FGF8: variants seen among roughly 807,000 people sequenced by gnomAD.
FGF8 encodes fibroblast growth factor 8, also known as androgen-induced growth factor.
Under a neutral mutation model 29.7 loss-of-function variants are expected in FGF8, and 12 were observed. That is an observed-to-expected ratio of 0.40 (90% confidence interval 0.26 to 0.65). FGF8 has a LOEUF of 0.65. Among genes scored for constraint, FGF8 ranks in the 30% least tolerant of loss-of-function variants. FGF8 has a pLI of 0.37. For missense variants in FGF8, 271 were observed against 345.1 expected (o/e 0.79, Z 1.70); for synonymous variants, 157 against 144.4 (o/e 1.09, Z -0.63).
chr10:101,772,467 T>C lies in FGF8; in HGVS notation c.338-898A>G, dbSNP rs1017932610. Among the ~76,000 whole-genome samples, 1 of 152,152 alleles carries C rather than the reference T, an allele frequency of 6.6e-6. No homozygotes were observed. The highest frequency in any genetic ancestry group is 1.5e-5 in the Non-Finnish European group (1 of 68,012). On this transcript the variant is annotated intron_variant, in intron 4 of 5. Transcript: ENST00000320185. The surrounding 1 kb of genome is among the most constrained non-coding windows in gnomAD (Gnocchi z 4.4). Reference sequence around the variant, plus strand: ...GCCTCCTTTCCCATTCCCCTCCCCTTAGACAGCCAACTTGCCACAGAAGCC... The same window carrying C: ...GCCTCCTTTCCCATTCCCCTCCCCTCAGACAGCCAACTTGCCACAGAAGCC...
chr10:101,776,439 C>T (rs2065095913), upstream of FGF8, among the ~76,000 whole-genome samples: 1 of 150,300 alleles, frequency 6.7e-6, no homozygotes, highest in Non-Finnish European at 1.5e-5. Flanking sequence ...GCGCGCTCCC[C>T]GGTCCCGGAC....
chr10:101,775,918 C>G lies in FGF8; in HGVS notation c.-18G>C. On this transcript the variant is annotated 5_prime_UTR_variant, in exon 1 of 6. Transcript: ENST00000320185. The surrounding 1 kb of genome is among the most constrained non-coding windows in gnomAD (Gnocchi z 4.6). The stretch of plus-strand genomic sequence containing the variant: ...CTGCCCATGGCGCGCGGCCCCGGGG[C>G]ACCGAGAGCCCGGCGGGTCACGCCG... The G allele has an allele frequency of 8.1e-7, 1 of 1,227,700 alleles. No individual in the cohort carries two copies. 76.1% of individuals were successfully genotyped at this position (1,227,700 alleles called of 1,614,324 possible).
At chr10:101,780,133 C>T (rs140149604), upstream of FGF8, among the ~76,000 whole-genome samples, 2 of 152,360 alleles carry the variant, frequency 1.3e-5, no homozygotes, top group African/African-American at 2.4e-5. Context: ...CCAGCCAGGC[C>T]GCCCCTCCGC....
chr10:101,775,631 A>T lies in FGF8; in HGVS notation c.69+109T>A. ...GGGGCTGGGTTTCTAAGGTGCCCTC[A>T]GCCCTCCCGCGCCGGCCGCAGAGTC... On this transcript the variant is annotated intron_variant, in intron 2 of 5. Coordinates refer to ENST00000320185, the MANE Select transcript of FGF8 (RefSeq NM_033163.5). The surrounding 1 kb of genome is among the most constrained non-coding windows in gnomAD (Gnocchi z 4.6). 2 of 1,313,716 alleles carry T rather than the reference A, an allele frequency of 1.5e-6. No individual in the cohort carries two copies. The highest frequency in any genetic ancestry group is 2.1e-6 in the Non-Finnish European group (2 of 959,694). The allele number at this position is 1,313,716 out of a possible 1,614,324, so 81.4% of individuals were successfully genotyped here.
rs756078879 is a variant in FGF8 at position 101,770,366 on chromosome 10, C to T, written c.698G>A (p.Arg233His). 39 of 1,600,142 alleles carry T rather than the reference C, an allele frequency of 2.4e-5. No homozygotes were observed. Among genetic ancestry groups the T allele is most frequent in the Non-Finnish European group, 3.1e-5 (36 of 1,175,144 alleles). Residue 233 changes from arginine (R) to histidine (H), a missense_variant, in exon 6 of 6, where the codon CGC becomes CAC. By Grantham distance (29) the Arg-to-His change is conservative. Around this residue, in one of 3 missense-constraint regions of FGF8, gnomAD observed 62 missense variants for 58.1 expected, o/e 1.07. Coordinates refer to ENST00000320185, the MANE Select transcript of FGF8 (RefSeq NM_033163.5). ...LNYPPFTRSLRGSQRTWAPEP... is the reference protein window; with the variant it reads ...LNYPPFTRSLHGSQRTWAPEP... The stretch of plus-strand genomic sequence containing the variant: ...GGGGGCCCAAGTCCTCTGGCTGCCG[C>T]GCAGGCTGCGCGTGAAGGGCGGGTA...
At chr10:101,779,523 C>T (rs1589816307), upstream of FGF8, among the ~76,000 whole-genome samples, 3 of 152,214 alleles carry the variant, frequency 2.0e-5, no homozygotes, top group African/African-American at 7.2e-5. The surrounding 1 kb of genome is among the most constrained non-coding windows in gnomAD (Gnocchi z 5.7). Context: ...GCGCCCCAAC[C>T]GGCCGAGAAA....
chr10:101,775,560 AG>A lies in FGF8; in HGVS notation c.69+179del, dbSNP rs2065077412. 7.6e-6 allele frequency: 5 copies of A among 660,162 alleles called. No individual in the cohort carries two copies. The South Asian group carries it at 9.4e-5, about 12-fold the overall frequency. The allele number at this position is 660,162 out of a possible 1,614,324, so 40.9% of individuals were successfully genotyped here. A position where few individuals can be genotyped will look rare whatever the true frequency, so the allele number is the denominator to read the frequency against. On this transcript the variant is annotated intron_variant, in intron 2 of 5. Coordinates refer to ENST00000320185, the MANE Select transcript of FGF8 (RefSeq NM_033163.5). The surrounding 1 kb of genome is among the most constrained non-coding windows in gnomAD (Gnocchi z 4.6). ...CACTCACTCGCTGTGTGACCTCAGGAGGGGTGCTACCTCTCTGTGCCTCAGC... is the reference window on the plus strand; with the variant it reads ...CACTCACTCGCTGTGTGACCTCAGGAGGGTGCTACCTCTCTGTGCCTCAGC...
upstream of FGF8, among the ~76,000 whole-genome samples, chr10:101,777,539 G>A (rs1482354078): frequency 6.6e-6 from 1 of 152,244 alleles, no homozygotes; most frequent in Non-Finnish European, 1.5e-5. Flanking sequence ...CAAACACTGA[G>A]CAATGGAGAG....
chr10:101,777,131 G>T (rs1465967846), upstream of FGF8, among the ~76,000 whole-genome samples: 3 of 152,188 alleles, frequency 2.0e-5, no homozygotes, highest in African/African-American at 7.2e-5. Flanking sequence ...GCAGGGGCTG[G>T]TCAGCTGGGC....
At position 101,771,436 on chromosome 10, in the gene FGF8, G is replaced by A; in HGVS notation, c.444+27C>T. ...CCCAAGCCACTCCCTAGGTCCCGCGGACCCCACCTGCCTGCTGGGGCCTCA... is the reference window on the plus strand; with the variant it reads ...CCCAAGCCACTCCCTAGGTCCCGCGAACCCCACCTGCCTGCTGGGGCCTCA... On this transcript the variant is annotated intron_variant, in intron 5 of 5. Coordinates refer to ENST00000320185, the MANE Select transcript of FGF8 (RefSeq NM_033163.5). This position sits in a 1 kb window ranked among gnomAD's most constrained non-coding sequence, Gnocchi z 5.3. 6.3e-7 allele frequency: 1 copy of A among 1,575,610 alleles called. No homozygotes were observed. Among genetic ancestry groups the A allele is most frequent in the Non-Finnish European group, 8.7e-7 (1 of 1,145,286 alleles).
At chr10:101,778,785 C>T (rs549005048), upstream of FGF8, among the ~76,000 whole-genome samples, 1 of 152,344 alleles carries the variant, frequency 6.6e-6, no homozygotes, top group South Asian at 2.1e-4. Context: ...TCCCGCCGGG[C>T]CCCCGCAGGC....
rs2065035159 is a variant in FGF8, at chr10:101,772,114, G to A, written c.338-545C>T. Among the ~76,000 whole-genome samples the A allele has an allele frequency of 3.3e-5, 5 of 152,178 alleles. No individual in the cohort carries two copies. The South Asian group carries it at 1.0e-3, about 32-fold the overall frequency. On this transcript the variant is annotated intron_variant, in intron 4 of 5. Transcript: ENST00000320185. The surrounding 1 kb of genome is among the most constrained non-coding windows in gnomAD (Gnocchi z 4.4). ...TAACTCACAGCTTTGGCCACCCCCA[G>A]CCCCTCAACATCACCAGGCTCTGCT...
At chr10:101,774,659 C>G in intron 4 of FGF8, 73 bp downstream of exon 4, 1 of 1,319,152 alleles carries the variant, frequency 7.6e-7, no homozygotes, top group East Asian at 2.3e-5. Context: ...ACCCTGCAGG[C>G]CCCCGGCCAG....
At position 101,770,341 on chromosome 10, in the gene FGF8, G is replaced by A. The variant is rs1071634; in HGVS notation, c.723C>T (p.Pro241=). Residue 241 remains proline, a synonymous_variant, in exon 6 of 6, where the codon CCC becomes CCT. Coordinates refer to ENST00000320185, the MANE Select transcript of FGF8 (RefSeq NM_033163.5). The part of the protein sequence containing the change: ...SLRGSQRTWA[P]EPR ...GGCCAGGCAGCACCTATCGGGGCTCGGGGGCCCAAGTCCTCTGGCTGCCGC... is the reference window on the plus strand; with the variant it reads ...GGCCAGGCAGCACCTATCGGGGCTCAGGGGCCCAAGTCCTCTGGCTGCCGC... 1.5e-5 allele frequency: 24 copies of A among 1,594,726 alleles called. 2 individuals carry two copies. The highest frequency in any genetic ancestry group is 4.4e-4 in the Middle Eastern group (2 of 4,544).
In FGF8 at chr10:101,771,688, G is replaced by A; in HGVS notation, c.338-119C>T. 3.9e-6 allele frequency: 3 copies of A among 777,084 alleles called. No individual in the cohort carries two copies. The South Asian group carries it at 4.3e-5, about 11-fold the overall frequency. The allele number at this position is 777,084 out of a possible 1,614,324, so 48.1% of individuals were successfully genotyped here. A position where few individuals can be genotyped will look rare whatever the true frequency, so the allele number is the denominator to read the frequency against. ...CCAGGAACCCAAAACATGGACTCCA[G>A]CTCCAGCCCAGCTACTAACATGCTG... On this transcript the variant is annotated intron_variant, in intron 4 of 5. Transcript: ENST00000320185. This position sits in a 1 kb window ranked among gnomAD's most constrained non-coding sequence, Gnocchi z 5.3.
In FGF8 at chr10:101,775,940, G is replaced by T. The variant is rs2065085629; in HGVS notation, c.-40C>A. 1.0e-5 allele frequency: 12 copies of T among 1,181,998 alleles called. No homozygotes were observed. Among genetic ancestry groups the T allele is most frequent in the Non-Finnish European group, 1.3e-5 (12 of 958,136 alleles). 73.2% of individuals were successfully genotyped at this position (1,181,998 alleles called of 1,614,324 possible). A position where few individuals can be genotyped will look rare whatever the true frequency, so the allele number is the denominator to read the frequency against. On this transcript the variant is annotated 5_prime_UTR_variant, in exon 1 of 6. Transcript: ENST00000320185. The surrounding 1 kb of genome is among the most constrained non-coding windows in gnomAD (Gnocchi z 4.6). The stretch of plus-strand genomic sequence containing the variant: ...GGGCACCGAGAGCCCGGCGGGTCAC[G>T]CCGTCCCGCGGGCCGCCGCGGGAGG...
rs1564630712 is a variant in FGF8 at position 101,771,030 on chromosome 10, C to T, written c.445-411G>A. 6.6e-6 allele frequency among the ~76,000 whole-genome samples: 1 copy of T among 152,080 alleles called. No individual in the cohort carries two copies. The highest frequency in any genetic ancestry group is 2.4e-5 in the African/African-American group (1 of 41,398). ...AGGCCTGGGAGAAGATGCTAAGACC[C>T]CAGCCCCAGAAGCCCAGGAAGTGGG... On this transcript the variant is annotated intron_variant, in intron 5 of 5. Coordinates refer to ENST00000320185, the MANE Select transcript of FGF8 (RefSeq NM_033163.5). The surrounding 1 kb of genome is among the most constrained non-coding windows in gnomAD (Gnocchi z 5.3).
chr10:101,775,200 C>A lies in FGF8; in HGVS notation c.86G>T (p.Gly29Val). Residue 29 changes from glycine to valine, a missense_variant, in exon 3 of 6, where the codon GGC becomes GTC. Physicochemically the swap from Gly to Val is moderately radical, Grantham distance 109. Coordinates refer to ENST00000320185, the MANE Select transcript of FGF8 (RefSeq NM_033163.5). The surrounding 1 kb of genome is among the most constrained non-coding windows in gnomAD (Gnocchi z 4.6). ...CLQAQEGPGR[G>V]PALGRELASL... ...AGCGAGCTCCCTGCCCAGCGCAGGG[C>A]CCCTGCCCGGGCCTTCCTAGAGGAG... 1.9e-6 allele frequency: 3 copies of A among 1,547,680 alleles called. No individual in the cohort carries two copies. Among genetic ancestry groups the A allele is most frequent in the Non-Finnish European group, 1.7e-6 (2 of 1,146,584 alleles).
chr10:101,771,274 T>C lies in FGF8; in HGVS notation c.444+189A>G, dbSNP rs1451590370. 1.3e-5 allele frequency among the ~76,000 whole-genome samples: 2 copies of C among 152,188 alleles called. No individual in the cohort carries two copies. Among genetic ancestry groups the C allele is most frequent in the Non-Finnish European group, 2.9e-5 (2 of 68,030 alleles). On this transcript the variant is annotated intron_variant, in intron 5 of 5. Coordinates refer to ENST00000320185, the MANE Select transcript of FGF8 (RefSeq NM_033163.5). This position sits in a 1 kb window ranked among gnomAD's most constrained non-coding sequence, Gnocchi z 5.3. ...TTCATTCTTCCTCCTTCGCCTTTTATAGTTTTCATCTCTCAAACAGCTTCC... is the reference window on the plus strand; with the variant it reads ...TTCATTCTTCCTCCTTCGCCTTTTACAGTTTTCATCTCTCAAACAGCTTCC...
Sources: allele counts gnomAD v4.1 joint callset (sites outside exome capture counted in the v4.1 genomes callset), GRCh38; gene constraint gnomAD v4.1.1; regional missense constraint gnomAD v4.1.1; non-coding constraint Gnocchi (gnomAD v3.1); transcripts MANE v1.5; gene names NCBI Gene and HGNC (gene_info 2026-07-23, HGNC 2026-07-21).